The following ITGA8 variants were observed in gnomAD, a reference collection of about 807,000 sequenced individuals.
ITGA8 encodes the protein integrin alpha-8.
ITGA8 carries 91 observed loss-of-function variants against 142.3 expected under a neutral mutation model. The observed-to-expected ratio is 0.64, with a 90% confidence interval of 0.54 to 0.76. The LOEUF (loss-of-function observed/expected upper bound fraction) is 0.76, where lower values mean the gene tolerates loss of function less well. Among genes scored for constraint, ITGA8 ranks in the 30% least tolerant of loss-of-function variants. The pLI, the probability that ITGA8 is intolerant of heterozygous loss-of-function variation, is 0.00. For missense variants in ITGA8, 1,406 were observed against 1,327.7 expected (o/e 1.06, Z -0.92); for synonymous variants, 505 against 485.2 (o/e 1.04, Z -0.54).
intron 23 of ITGA8, among the ~76,000 whole-genome samples, chr10:15,584,962 G>A (rs376757414): frequency 3.9e-5 from 6 of 152,130 alleles, no homozygotes; most frequent in Admixed American, 6.5e-5. Flanking sequence ...GCTGAGGCCC[G>A]AGAATCACTT....
At position 15,613,836 on chromosome 10, in the gene ITGA8, CACTGCAT is replaced by C. The variant is rs1265231878; in HGVS notation, c.1446-76_1446-70del. 3 of 1,013,776 alleles carry C rather than the reference CACTGCAT, an allele frequency of 3.0e-6. No individual in the cohort carries two copies. The African/African-American group carries it at 4.7e-5, about 16-fold the overall frequency. The allele number at this position is 1,013,776 out of a possible 1,614,324, so 62.8% of individuals were successfully genotyped here. ...GTGATAGGCAGGCAGAAGCCCACTT[CACTGCAT>C]ACTGAACTCAGTAGTAGACAGAATA... is the stretch of plus-strand genomic sequence containing the variant. On this transcript the variant is annotated intron_variant, in intron 14 of 29. Transcript: ENST00000378076.
chr10:15,622,782 A>G (rs552335886), intron 13 of ITGA8, among the ~76,000 whole-genome samples: 8 of 152,334 alleles, frequency 5.3e-5, no homozygotes, highest in Admixed American at 3.3e-4. Flanking sequence ...TAGTATTAAA[A>G]CTATAAACAT....
intron 15 of ITGA8, 22 bp downstream of exon 15, chr10:15,613,638 G>T: frequency 6.8e-7 from 1 of 1,480,544 alleles, no homozygotes; most frequent in South Asian, 1.1e-5. Flanking sequence ...ATTGGAGTTT[G>T]AGAAGCACCG....
At chr10:15,653,512 C>A (rs1834127921) in intron 11 of ITGA8, among the ~76,000 whole-genome samples, 2 of 152,134 alleles carry the variant, frequency 1.3e-5, no homozygotes, top group Non-Finnish European at 2.9e-5. Flanking sequence ...CATTATCAAC[C>A]AAAGGCCATG....
At chr10:15,580,238 A>C (rs1834383837) in intron 23 of ITGA8, among the ~76,000 whole-genome samples, 2 of 152,002 alleles carry the variant, frequency 1.3e-5, no homozygotes, top group Non-Finnish European at 2.9e-5. Context: ...ACAATGAGAG[A>C]ATATTGTGAA....
chr10:15,546,494 T>C (rs1055437863), intron 27 of ITGA8, among the ~76,000 whole-genome samples: 2 of 152,184 alleles, frequency 1.3e-5, no homozygotes, highest in Non-Finnish European at 1.5e-5. Flanking sequence ...CCTGAGGACA[T>C]TGGCAATATC....
At position 15,718,715 on chromosome 10, in the gene ITGA8, C is replaced by T. The variant is rs768787581; in HGVS notation, c.343+51G>A. 8.1e-6 allele frequency: 13 copies of T among 1,605,920 alleles called. No homozygotes were observed. In the South Asian group the frequency reaches 1.3e-4, roughly 16 times the overall value. ...GCGGGAAGTCGCCTCTGGGATGGCC[C>T]TGGTTCTTCCAAACCCAGGCCCACA... is the stretch of plus-strand genomic sequence containing the variant. On this transcript the variant is annotated intron_variant, in intron 2 of 29. Transcript: ENST00000378076.
At chr10:15,640,891 C>G (rs2131642909) in intron 13 of ITGA8, among the ~76,000 whole-genome samples, 1 of 152,330 alleles carries the variant, frequency 6.6e-6, no homozygotes, top group East Asian at 1.9e-4. Flanking sequence ...GCCACAGAAG[C>G]TTGAGCAATG....
At chr10:15,553,055 G>A (rs1833820480) in intron 26 of ITGA8, among the ~76,000 whole-genome samples, 1 of 152,142 alleles carries the variant, frequency 6.6e-6, no homozygotes, top group African/African-American at 2.4e-5. Flanking sequence ...TCAGGAGTTT[G>A]AGACCAGCGT....
chr10:15,566,781 C>T (rs1192126543), intron 25 of ITGA8, among the ~76,000 whole-genome samples: 1 of 100,124 alleles, frequency 1.0e-5, no homozygotes, highest in African/African-American at 3.8e-5. Context: ...CACTGCACTC[C>T]AGCCCATGCA....
In ITGA8 at chr10:15,642,953, T is replaced by C. The variant is rs140146695; in HGVS notation, c.1399+1077A>G. Among the ~76,000 whole-genome samples, 247 of 152,304 alleles carry C rather than the reference T, an allele frequency of 1.6e-3. 1 individual carries two copies. The highest frequency in any genetic ancestry group is 5.8e-3 in the African/African-American group (239 of 41,556). ...TGGAAAGAGACAAGGTTTTTATAAG[T>C]AGTTGAAACTGTCATTTAACTATTA... On this transcript the variant is annotated intron_variant, in intron 13 of 29. Coordinates refer to ENST00000378076, the MANE Select transcript of ITGA8 (RefSeq NM_003638.3).
Position 15,610,089 on chromosome 10 carries a change from CT to C in ITGA8, c.1554-1800del, listed in dbSNP as rs992632897. Among the ~76,000 whole-genome samples the C allele has an allele frequency of 6.6e-5, 10 of 152,090 alleles. No individual in the cohort carries two copies. The East Asian group carries it at 1.5e-3, about 23-fold the overall frequency. ...ATCATTACCAAATGGATGACTTTAA[CT>C]TTTTTTTCATACAAGTGTAATATCA... is the stretch of plus-strand genomic sequence containing the variant. On this transcript the variant is annotated intron_variant, in intron 15 of 29. Coordinates refer to ENST00000378076, the MANE Select transcript of ITGA8 (RefSeq NM_003638.3).
intron 4 of ITGA8, among the ~76,000 whole-genome samples, chr10:15,680,856 G>A (rs1300250410): frequency 6.6e-6 from 1 of 151,560 alleles, no homozygotes; most frequent in Non-Finnish European, 1.5e-5. Context: ...TAGAGTGTGA[G>A]GTTCTTTCCA....
chr10:15,660,947 A>C, intron 8 of ITGA8, 25 bp from the exon 9 acceptor site: 1 of 1,603,060 alleles, frequency 6.2e-7, no homozygotes, highest in Non-Finnish European at 8.5e-7. Context: ...AGCCATTTAG[A>C]AGGGGAATTA....
intron 15 of ITGA8, among the ~76,000 whole-genome samples, chr10:15,613,167 TAAAA>T (rs59775299): frequency 8.8e-5 from 13 of 147,658 alleles, no homozygotes; most frequent in African/African-American, 3.3e-4. Context: ...TCTCAATAAA[TAAAA>T]AATAAATAAA....
intron 28 of ITGA8, among the ~76,000 whole-genome samples, chr10:15,524,975 T>A (rs956989175): frequency 2.6e-5 from 4 of 152,140 alleles, no homozygotes; most frequent in Non-Finnish European, 5.9e-5. Context: ...CTGACATATA[T>A]GAAGAATCTT....
intron 13 of ITGA8, among the ~76,000 whole-genome samples, chr10:15,618,432 T>C (rs1231593411): frequency 6.6e-6 from 1 of 152,204 alleles, no homozygotes. Context: ...ATAGAATTTG[T>C]ACAGAAAAAT....
At chr10:15,551,996 A>G (rs1379173603) in intron 26 of ITGA8, among the ~76,000 whole-genome samples, 2 of 152,316 alleles carry the variant, frequency 1.3e-5, no homozygotes, top group South Asian at 2.1e-4. Flanking sequence ...AAAGAGAAAC[A>G]ATAGAAGGAA....
chr10:15,595,903 T>C (rs1322327521), intron 21 of ITGA8, among the ~76,000 whole-genome samples: 1 of 152,090 alleles, frequency 6.6e-6, no homozygotes, highest in East Asian at 1.9e-4. Context: ...AAATACAAAA[T>C]TAGCCGGGCA....
Sources: gnomAD v4.1 joint callset for allele counts (sites outside exome capture counted in the v4.1 genomes callset) on GRCh38, gnomAD v4.1.1 for gene constraint, MANE v1.5 for transcripts, NCBI Gene and HGNC (gene_info 2026-07-23, HGNC 2026-07-21) for gene names.